NMBR: variants seen among roughly 807,000 people sequenced by gnomAD.
The protein encoded by NMBR is neuromedin B receptor, also known as neuromedin-B receptor.
Under a neutral mutation model 20.5 loss-of-function variants are expected in NMBR, and 16 were observed. The ratio of observed to expected loss-of-function variants is 0.78; its 90% CI spans 0.53 to 1.19. NMBR has a LOEUF of 1.19. NMBR is among the 50% of genes most tolerant of loss of function. NMBR has a pLI of 0.00. For missense variants in NMBR, 582 were observed against 499.1 expected (o/e 1.17, Z -1.58); for synonymous variants, 212 against 196.6 (o/e 1.08, Z -0.65).
chr6:142,091,575 T>G (rs1284854769), intron 1 of NMBR, among the ~76,000 whole-genome samples: 1 of 152,190 alleles, frequency 6.6e-6, no homozygotes, highest in Non-Finnish European at 1.5e-5. Flanking sequence ...ATTAGGTTTC[T>G]TAGACTCATA....
intron 1 of NMBR, among the ~76,000 whole-genome samples, chr6:142,109,254 C>T (rs1399749186): frequency 1.6e-4 from 25 of 152,108 alleles, no homozygotes; most frequent in Admixed American, 1.3e-3. Context: ...AATACCCCAC[C>T]GGGGACTCTG....
At chr6:142,140,179 T>C (rs1279335061) in intron 1 of NMBR, among the ~76,000 whole-genome samples, 1 of 151,982 alleles carries the variant, frequency 6.6e-6, no homozygotes, top group Non-Finnish European at 1.5e-5. Flanking sequence ...AATAAGGATA[T>C]AGGTAAAAAG....
intron 1 of NMBR, among the ~76,000 whole-genome samples, chr6:142,119,490 G>A (rs541693732): frequency 1.1e-4 from 16 of 151,900 alleles, no homozygotes; most frequent in Non-Finnish European, 2.1e-4. Context: ...AGGACTCTAG[G>A]TGTGGCAGGG....
At chr6:142,079,133 GAA>G (rs973127182) in intron 2 of NMBR, among the ~76,000 whole-genome samples, 1 of 109,746 alleles carries the variant, frequency 9.1e-6, no homozygotes, top group Non-Finnish European at 1.8e-5. Context: ...AAAGAAGAAA[GAA>G]AGAAAGAAAA....
chr6:142,079,704 G>A (rs1481625273), intron 2 of NMBR, among the ~76,000 whole-genome samples: 4 of 152,000 alleles, frequency 2.6e-5, no homozygotes. Flanking sequence ...ATCTAGATTG[G>A]GATTTTCTCC....
intron 1 of NMBR, among the ~76,000 whole-genome samples, chr6:142,103,960 C>T (rs1777611023): frequency 6.6e-6 from 1 of 152,158 alleles, no homozygotes; most frequent in Non-Finnish European, 1.5e-5. Flanking sequence ...TCTATACTTT[C>T]ACAAACCTCC....
At chr6:142,136,709 C>T (rs1428595819) in intron 1 of NMBR, among the ~76,000 whole-genome samples, 1 of 152,220 alleles carries the variant, frequency 6.6e-6, no homozygotes, top group Non-Finnish European at 1.5e-5. Context: ...CAGCTTCCTA[C>T]ATATGGCTAG....
At chr6:142,089,398 C>T (rs1250422330) in intron 1 of NMBR, among the ~76,000 whole-genome samples, 77 bp from the exon 2 acceptor site, 1 of 152,210 alleles carries the variant, frequency 6.6e-6, no homozygotes, top group Non-Finnish European at 1.5e-5. Context: ...CGCTACTCTT[C>T]TTCTGATCAT....
intron 1 of NMBR, chr6:142,133,073 G>A: frequency 1.7e-6 from 1 of 583,914 alleles, no homozygotes; most frequent in South Asian, 2.1e-5. Context: ...CTGAGAGAAT[G>A]TAAGAGTTTG....
intron 1 of NMBR, among the ~76,000 whole-genome samples, chr6:142,115,674 C>A (rs1167080143): frequency 6.6e-6 from 1 of 151,970 alleles, no homozygotes; most frequent in Non-Finnish European, 1.5e-5. Flanking sequence ...TAATCTATCA[C>A]TAGACATGCA....
intron 1 of NMBR, among the ~76,000 whole-genome samples, chr6:142,127,008 A>G (rs907720857): frequency 5.9e-5 from 9 of 151,634 alleles, no homozygotes; most frequent in Middle Eastern, 3.4e-3. Context: ...CAAATAACTT[A>G]TCTGTATTTT....
At chr6:142,096,982 C>G (rs1452457125) in intron 1 of NMBR, among the ~76,000 whole-genome samples, 1 of 152,020 alleles carries the variant, frequency 6.6e-6, no homozygotes, top group African/African-American at 2.4e-5. Context: ...TTATCAGAGA[C>G]TAGGATTGCA....
intron 1 of NMBR, among the ~76,000 whole-genome samples, chr6:142,093,275 T>C (rs1418709406): frequency 6.7e-6 from 1 of 150,194 alleles, no homozygotes; most frequent in Non-Finnish European, 1.5e-5. Context: ...TAGCATTAGG[T>C]ATATCTCCTA....
intron 1 of NMBR, among the ~76,000 whole-genome samples, chr6:142,099,523 A>C (rs542232483): frequency 4.6e-5 from 7 of 152,226 alleles, no homozygotes; most frequent in African/African-American, 1.7e-4. Context: ...ACAAGGGGGA[A>C]GTATCCCCCT....
At chr6:142,086,572 C>CA (rs751695853) in intron 2 of NMBR, among the ~76,000 whole-genome samples, 1 of 152,206 alleles carries the variant, frequency 6.6e-6, no homozygotes, top group South Asian at 2.1e-4. Flanking sequence ...CCTAAACACA[C>CA]ACTGGTAGAC....
Position 142,079,112 on chromosome 6 carries a change from A to AG in NMBR, c.423-210_423-209insC, listed in dbSNP as rs758043461. 7.6e-3 allele frequency among the ~76,000 whole-genome samples: 356 copies of AG among 46,584 alleles called. 4 individuals carry two copies. The highest frequency in any genetic ancestry group is 8.6e-3 in the Non-Finnish European group (237 of 27,644). 30.6% of individuals were successfully genotyped at this position (46,584 alleles called of 152,430 possible). A position where few individuals can be genotyped will look rare whatever the true frequency, so the allele number is the denominator to read the frequency against. ...AGAGAGAAAGAGAGAGAGAGAAAGA[A>AG]AGAAAGAAAGAAAGAAGAAAGAAAG... On this transcript the variant is annotated intron_variant, in intron 2 of 3. Coordinates refer to ENST00000258042, the MANE Select transcript of NMBR (RefSeq NM_002511.4).
chr6:142,099,038 A>G (rs1489161291), intron 1 of NMBR, among the ~76,000 whole-genome samples: 1 of 152,200 alleles, frequency 6.6e-6, no homozygotes, highest in East Asian at 1.9e-4. Flanking sequence ...ACAAGGAACC[A>G]AAGGGTAAAC....
intron 3 of NMBR, among the ~76,000 whole-genome samples, chr6:142,077,230 G>A: frequency 6.6e-6 from 1 of 152,178 alleles, no homozygotes; most frequent in Non-Finnish European, 1.5e-5. Context: ...CTCAGCAGAT[G>A]TCAAGACCCA....
chr6:142,109,185 T>C (rs1293947072), intron 1 of NMBR, among the ~76,000 whole-genome samples: 2 of 152,168 alleles, frequency 1.3e-5, no homozygotes, highest in Admixed American at 1.3e-4. Context: ...AAGCCATTGG[T>C]GGATCTACCA....
Sources: gnomAD v4.1 joint callset for allele counts (sites outside exome capture counted in the v4.1 genomes callset) on GRCh38, gnomAD v4.1.1 for gene constraint, MANE v1.5 for transcripts, NCBI Gene and HGNC (gene_info 2026-07-23, HGNC 2026-07-21) for gene names.